The following PXYLP1 variants were observed in gnomAD, a reference collection of about 807,000 sequenced individuals.
PXYLP1 encodes the protein acid phosphatase-like 2.
Under a neutral mutation model 37.9 loss-of-function variants are expected in PXYLP1, and 17 were observed. The observed-to-expected ratio is 0.45, with a 90% CI of 0.31 to 0.67. The LOEUF (loss-of-function observed/expected upper bound fraction) is 0.67. Among genes scored for constraint, PXYLP1 ranks in the 30% least tolerant of loss-of-function variants. The pLI is 0.07. For missense variants in PXYLP1, 511 were observed against 612.0 expected, an observed-to-expected ratio of 0.84 and a Z score of 1.74; for synonymous variants, 221 against 232.2, an observed-to-expected ratio of 0.95 and a Z score of 0.44.
At chr3:141,263,488 T>A (rs1941439801) in intron 2 of PXYLP1, among the ~76,000 whole-genome samples, 3 of 152,236 alleles carry the variant, frequency 2.0e-5, no homozygotes, top group African/African-American at 7.2e-5. Context: ...TTAAAATACA[T>A]ACAAGTGGAA....
Position 141,292,188 on chromosome 3 carries a change from C to G in PXYLP1, c.506-80C>G. 7.3e-7 allele frequency: 1 copy of G among 1,367,432 alleles called. No individual in the cohort carries two copies. Among genetic ancestry groups the G allele is most frequent in the South Asian group, 1.4e-5 (1 of 71,980 alleles). 84.7% of individuals were successfully genotyped at this position (1,367,432 alleles called of 1,614,324 possible). ...TCTCTTGCCCTAAAACACTCCAGAG[C>G]CACACGCTGACTCCACCTCCCCTTG... On this transcript the variant is annotated intron_variant, in intron 5 of 5. Transcript: ENST00000286353. The surrounding 1 kb of genome is among the most constrained non-coding windows in gnomAD (Gnocchi z 4.3).
chr3:141,293,420 G>T lies in PXYLP1; in HGVS notation c.*215G>T. Reference sequence around the variant, plus strand: ...GGTACAAAATGGCCAGTTCACAGAGGAATAGAAGGTACTTTATCATAGCCA... The same window carrying T: ...GGTACAAAATGGCCAGTTCACAGAGTAATAGAAGGTACTTTATCATAGCCA... On this transcript the variant is annotated 3_prime_UTR_variant, in exon 6 of 6. Transcript: ENST00000286353. 3.5e-6 allele frequency: 2 copies of T among 571,572 alleles called. No individual in the cohort carries two copies. Among genetic ancestry groups the T allele is most frequent in the South Asian group, 2.3e-5 (1 of 42,900 alleles). The allele number at this position is 571,572 out of a possible 1,614,324, so 35.4% of individuals were successfully genotyped here. A position where few individuals can be genotyped will look rare whatever the true frequency, so the allele number is the denominator to read the frequency against.
rs1942229023 is a variant in PXYLP1 at position 141,292,145 on chromosome 3, A to T, written c.506-123A>T. On this transcript the variant is annotated intron_variant, in intron 5 of 5. Transcript: ENST00000286353. This position sits in a 1 kb window ranked among gnomAD's most constrained non-coding sequence, Gnocchi z 4.3. ...AGCTTGTAACTTCCACACCATGGGG[A>T]AACAGGCTGGATGCCATTCTCTTGC... 1.1e-6 allele frequency: 1 copy of T among 909,104 alleles called. No homozygotes were observed. Among genetic ancestry groups the T allele is most frequent in the Admixed American group, 2.6e-5 (1 of 38,980 alleles). 56.3% of individuals were successfully genotyped at this position (909,104 alleles called of 1,614,324 possible). A position where few individuals can be genotyped will look rare whatever the true frequency, so the allele number is the denominator to read the frequency against.
chr3:141,278,173 GC>G (rs1217929445), intron 2 of PXYLP1, among the ~76,000 whole-genome samples, 168 bp from the exon 3 acceptor site: 1 of 152,158 alleles, frequency 6.6e-6, no homozygotes, highest in Non-Finnish European at 1.5e-5. Context: ...ACACAGTGGG[GC>G]TCAGAAGCCC....
chr3:141,267,169 AG>A (rs1941537392), intron 2 of PXYLP1, among the ~76,000 whole-genome samples: 1 of 152,230 alleles, frequency 6.6e-6, no homozygotes, highest in South Asian at 2.1e-4. Flanking sequence ...CCACACAGCC[AG>A]GGGAGGTGGT....
chr3:141,252,934 C>G (rs2148725476), intron 1 of PXYLP1, among the ~76,000 whole-genome samples: 1 of 152,288 alleles, frequency 6.6e-6, no homozygotes, highest in Non-Finnish European at 1.5e-5. Context: ...GTTGCCCCTG[C>G]TGAGAGGGGC....
chr3:141,253,239 G>T (rs1438638347), intron 1 of PXYLP1, among the ~76,000 whole-genome samples: 2 of 152,270 alleles, frequency 1.3e-5, no homozygotes, highest in East Asian at 3.9e-4. Context: ...AGCTGGCCTG[G>T]GTAGAGGGCT....
chr3:141,247,302 T>G (rs1940982396), intron 1 of PXYLP1, among the ~76,000 whole-genome samples: 1 of 152,230 alleles, frequency 6.6e-6, no homozygotes, highest in Non-Finnish European at 1.5e-5. Context: ...TGGAGCATTA[T>G]GGGAAACCAC....
At chr3:141,283,148 T>TA (rs1188584245) in intron 4 of PXYLP1, among the ~76,000 whole-genome samples, 10 of 151,524 alleles carry the variant, frequency 6.6e-5, no homozygotes, top group African/African-American at 2.4e-4. Context: ...TGTATTTTTT[T>TA]TTTTTTTTAT....
chr3:141,242,393 G>T (rs904972046), intron 1 of PXYLP1, among the ~76,000 whole-genome samples: 1 of 152,200 alleles, frequency 6.6e-6, no homozygotes, highest in African/African-American at 2.4e-5. Flanking sequence ...CCCGAAAAAG[G>T]AACTTTCAGC....
chr3:141,244,012 G>A (rs2107899766), intron 1 of PXYLP1, among the ~76,000 whole-genome samples: 1 of 152,242 alleles, frequency 6.6e-6, no homozygotes, highest in East Asian at 1.9e-4. Context: ...GAGCAAATAA[G>A]CCTGCCAGGA....
At chr3:141,238,439 G>A (rs770255289) in intron 1 of PXYLP1, among the ~76,000 whole-genome samples, 4 of 152,192 alleles carry the variant, frequency 2.6e-5, no homozygotes, top group African/African-American at 4.8e-5. Context: ...TCAGGAACTC[G>A]AGTGCTTCTC....
intron 2 of PXYLP1, among the ~76,000 whole-genome samples, chr3:141,270,484 C>T (rs949007074): frequency 2.6e-5 from 4 of 152,134 alleles, no homozygotes; most frequent in East Asian, 3.8e-4. Flanking sequence ...AGAGACAGGG[C>T]GGGCATTTAA....
At chr3:141,252,742 C>T (rs1242036623) in intron 1 of PXYLP1, among the ~76,000 whole-genome samples, 1 of 152,194 alleles carries the variant, frequency 6.6e-6, no homozygotes, top group Non-Finnish European at 1.5e-5. Context: ...GCGGGTGTTA[C>T]CACTCTATAT....
intron 1 of PXYLP1, among the ~76,000 whole-genome samples, chr3:141,255,379 T>C (rs1439973835): frequency 6.6e-6 from 1 of 152,268 alleles, no homozygotes; most frequent in Non-Finnish European, 1.5e-5. Context: ...AACAGTTGTT[T>C]ACACAGAAGT....
chr3:141,278,561 T>C (rs1380351888), intron 3 of PXYLP1, 61 bp downstream of exon 3: 1 of 1,593,722 alleles, frequency 6.3e-7, no homozygotes, highest in African/African-American at 1.3e-5. Context: ...TCCAGCAGCA[T>C]TGCACAGCAG....
At chr3:141,272,831 T>G (rs1429129900) in intron 2 of PXYLP1, 2 of 261,904 alleles carry the variant, frequency 7.6e-6, no homozygotes, top group Non-Finnish European at 1.2e-5. Context: ...TATTAGATTG[T>G]GCCCACCCAG....
At chr3:141,287,502 C>A in intron 5 of PXYLP1, 49 bp downstream of exon 5, 1 of 1,590,876 alleles carries the variant, frequency 6.3e-7, no homozygotes. Context: ...CGCTCTTCTG[C>A]TTGCATACCT....
At chr3:141,238,755 T>C (rs1326505006) in intron 1 of PXYLP1, among the ~76,000 whole-genome samples, 1 of 152,108 alleles carries the variant, frequency 6.6e-6, no homozygotes, top group Admixed American at 6.5e-5. Flanking sequence ...TTAACACATA[T>C]TTTGTATGTT....
Sources: allele counts gnomAD v4.1 joint callset (sites outside exome capture counted in the v4.1 genomes callset), GRCh38; gene constraint gnomAD v4.1.1; non-coding constraint Gnocchi (gnomAD v3.1); transcripts MANE v1.5; gene names NCBI Gene and HGNC (gene_info 2026-07-23, HGNC 2026-07-21).